The following EIF3H variants were observed in gnomAD, a reference collection of about 807,000 sequenced individuals.
EIF3H encodes eIF-3-gamma.
In EIF3H, 26 loss-of-function variants were observed where a neutral mutation model predicts 44.2. That is an observed-to-expected ratio of 0.59 (90% CI 0.43 to 0.82). The LOEUF is 0.82. EIF3H is among the 40% of genes least tolerant of loss of function. The pLI is 0.00. For missense variants in EIF3H, 359 were observed against 432.8 expected (o/e 0.83, Z 1.51); for synonymous variants, 166 against 151.9 (o/e 1.09, Z -0.68).
At chr8:116,732,493 G>C (rs1460375152) in intron 1 of EIF3H, among the ~76,000 whole-genome samples, 1 of 152,088 alleles carries the variant, frequency 6.6e-6, no homozygotes, top group Non-Finnish European at 1.5e-5. Context: ...CCATGACAGG[G>C]AACAGTTCAA....
At chr8:116,669,323 T>C (rs539638527) in intron 2 of EIF3H, among the ~76,000 whole-genome samples, 1 of 152,298 alleles carries the variant, frequency 6.6e-6, no homozygotes, top group South Asian at 2.1e-4. Context: ...CATTGTACCA[T>C]ATAAGTTTCT....
At chr8:116,703,067 A>G (rs1027424189) in intron 2 of EIF3H, among the ~76,000 whole-genome samples, 5 of 152,258 alleles carry the variant, frequency 3.3e-5, no homozygotes, top group African/African-American at 1.2e-4. Flanking sequence ...CTGTTCCAGT[A>G]TAATAAAGAA....
chr8:116,686,474 A>T (rs1814079676), intron 2 of EIF3H, among the ~76,000 whole-genome samples: 1 of 152,180 alleles, frequency 6.6e-6, no homozygotes, highest in African/African-American at 2.4e-5. Flanking sequence ...GATAGTCATC[A>T]GTCATTACAG....
chr8:116,762,591 A>G (rs771485876), intron 1 of EIF3H, among the ~76,000 whole-genome samples: 8 of 152,202 alleles, frequency 5.3e-5, no homozygotes, highest in African/African-American at 9.7e-5. Flanking sequence ...TTACACTTAC[A>G]TATCTTTGGC....
chr8:116,751,207 G>A (rs538609710), intron 1 of EIF3H, among the ~76,000 whole-genome samples: 9 of 117,996 alleles, frequency 7.6e-5, no homozygotes, highest in Admixed American at 1.7e-4. Flanking sequence ...GCGAGACTCC[G>A]TCTCAAAAAA....
At chr8:116,675,600 G>C (rs1267726815) in intron 2 of EIF3H, among the ~76,000 whole-genome samples, 1 of 152,158 alleles carries the variant, frequency 6.6e-6, no homozygotes, top group Non-Finnish European at 1.5e-5. Flanking sequence ...TTTAAGCACT[G>C]GAATTCTGTT....
chr8:116,750,693 G>A (rs1380128459), intron 1 of EIF3H, among the ~76,000 whole-genome samples: 1 of 151,808 alleles, frequency 6.6e-6, no homozygotes, highest in Non-Finnish European at 1.5e-5. Flanking sequence ...TTACAGGCGT[G>A]AGCCACCACA....
chr8:116,673,392 T>C (rs888767717), intron 2 of EIF3H, among the ~76,000 whole-genome samples: 1 of 152,218 alleles, frequency 6.6e-6, no homozygotes, highest in African/African-American at 2.4e-5. Flanking sequence ...CTGTGGTATT[T>C]AGATGCGGTT....
In EIF3H at chr8:116,732,228, A is replaced by T. The variant is rs1270709721; in HGVS notation, c.133-6056T>A. 2.0e-5 allele frequency among the ~76,000 whole-genome samples: 3 copies of T among 152,216 alleles called. No individual in the cohort carries two copies. In the East Asian group the frequency reaches 5.8e-4, roughly 29 times the overall value. The stretch of plus-strand genomic sequence containing the variant: ...TTTTAAAGTGTCTGGCTTTAAAAAA[A>T]AAAAATTAAAACCTATCTTTGCCCA... On this transcript the variant is annotated intron_variant, in intron 1 of 7. Coordinates refer to ENST00000521861, the MANE Select transcript of EIF3H (RefSeq NM_003756.3).
intron 2 of EIF3H, among the ~76,000 whole-genome samples, chr8:116,683,192 C>T (rs1814020076): frequency 6.6e-6 from 1 of 152,204 alleles, no homozygotes; most frequent in Admixed American, 6.5e-5. Flanking sequence ...CATATTTGCT[C>T]CAATTTTCAA....
intron 2 of EIF3H, among the ~76,000 whole-genome samples, chr8:116,698,414 C>T (rs1014573016): frequency 3.3e-5 from 5 of 152,146 alleles, no homozygotes; most frequent in African/African-American, 1.2e-4. Context: ...CTCCTATCTA[C>T]CCCATCTTCA....
In EIF3H at chr8:116,698,671, G is replaced by A. The variant is rs71530836; in HGVS notation, c.289+27345C>T. On this transcript the variant is annotated intron_variant, in intron 2 of 7. Coordinates refer to ENST00000521861, the MANE Select transcript of EIF3H (RefSeq NM_003756.3). ...AATTTTAATATAACCTGCATCTCTC[G>A]GCATCCTTGCCCATGCCATAGCCTC... Among the ~76,000 whole-genome samples, 1,106 of 152,166 alleles carry A rather than the reference G, an allele frequency of 7.3e-3. 7 individuals carry two copies. Among genetic ancestry groups the A allele is most frequent in the Non-Finnish European group, 0.011 (729 of 68,000 alleles).
chr8:116,692,648 A>G (rs1336998494), intron 2 of EIF3H, among the ~76,000 whole-genome samples: 1 of 152,228 alleles, frequency 6.6e-6, no homozygotes, highest in Non-Finnish European at 1.5e-5. Context: ...TTTGTCCTAC[A>G]GAAAACAAAC....
intron 2 of EIF3H, among the ~76,000 whole-genome samples, chr8:116,679,290 G>A (rs1813920940): frequency 1.9e-5 from 1 of 53,616 alleles, no homozygotes; most frequent in Non-Finnish European, 5.9e-5. Flanking sequence ...GTCCGGGAGG[G>A]AGGTGGGGGG....
chr8:116,734,347 TATGAAA>T (rs1226918117), intron 1 of EIF3H: 3 of 455,936 alleles, frequency 6.6e-6, no homozygotes, highest in African/African-American at 4.0e-5. Flanking sequence ...CCATCAGCCC[TATGAAA>T]ACTTGGGAGA....
intron 2 of EIF3H, among the ~76,000 whole-genome samples, chr8:116,691,869 CAAA>C (rs373127282): frequency 3.0e-5 from 4 of 134,412 alleles, no homozygotes; most frequent in Admixed American, 7.5e-5. Flanking sequence ...AAGACTGTCT[CAAA>C]AAAAAAAAAA....
chr8:116,657,362 A>ATTCAAGCCT, intron 3 of EIF3H, 48 bp from the exon 4 acceptor site: 1 of 1,413,986 alleles, frequency 7.1e-7, no homozygotes, highest in Non-Finnish European at 1.0e-6. Flanking sequence ...TGTCACTGCC[A>ATTCAAGCCT]GGCTTGAATG....
chr8:116,656,436 G>T (rs902718969), intron 4 of EIF3H, among the ~76,000 whole-genome samples: 19 of 152,132 alleles, frequency 1.2e-4, no homozygotes, highest in African/African-American at 4.3e-4. Context: ...ACAAGTAGCA[G>T]AACACAAGGA....
chr8:116,664,082 C>A (rs1813628430), intron 2 of EIF3H, among the ~76,000 whole-genome samples: 1 of 152,196 alleles, frequency 6.6e-6, no homozygotes. Flanking sequence ...TCTTCAACTT[C>A]TGCAATTGTT....
Sources: gnomAD v4.1 joint callset for allele counts (sites outside exome capture counted in the v4.1 genomes callset) on GRCh38, gnomAD v4.1.1 for gene constraint, MANE v1.5 for transcripts, NCBI Gene and HGNC (gene_info 2026-07-23, HGNC 2026-07-21) for gene names.